The following SGPL1 variants were observed in gnomAD, a reference collection of about 807,000 sequenced individuals.
SGPL1 encodes the protein SP-lyase 1.
A neutral mutation model predicts 68.9 loss-of-function variants in SGPL1; 37 were observed. That is an observed-to-expected ratio of 0.54 (90% CI 0.41 to 0.71). SGPL1 has a LOEUF of 0.71. Among genes scored for constraint, SGPL1 ranks in the 30% least tolerant of loss-of-function variants. The probability of loss-of-function intolerance (pLI) is 0.00; values close to 1 mark genes in which losing one functional copy is unlikely to be tolerated. For synonymous variants in SGPL1, 236 were observed against 248.5 expected (o/e 0.95, Z 0.47); for missense variants, 551 against 704.6 (o/e 0.78, Z 2.47).
At chr10:70,819,950 T>G (rs1845311143) in intron 2 of SGPL1, among the ~76,000 whole-genome samples, 1 of 152,176 alleles carries the variant, frequency 6.6e-6, no homozygotes, top group African/African-American at 2.4e-5. Flanking sequence ...TGATGCAGCT[T>G]ATATTATACA....
intron 2 of SGPL1, among the ~76,000 whole-genome samples, chr10:70,832,044 GA>G (rs762410072): frequency 2.6e-5 from 4 of 152,176 alleles, no homozygotes; most frequent in African/African-American, 7.2e-5. Flanking sequence ...TGGGGGTTAT[GA>G]ACCAGGAACC....
At chr10:70,864,609 A>G (rs1404154033) in intron 7 of SGPL1, among the ~76,000 whole-genome samples, 2 of 152,258 alleles carry the variant, frequency 1.3e-5, no homozygotes, top group South Asian at 2.1e-4. Context: ...ATATTTTCCT[A>G]TAGTGAGAAA....
chr10:70,836,510 C>G (rs771378104), intron 2 of SGPL1, among the ~76,000 whole-genome samples: 2 of 151,660 alleles, frequency 1.3e-5, no homozygotes, highest in Non-Finnish European at 2.9e-5. Context: ...TTCTTTTTCC[C>G]CTTCCTTTCC....
At chr10:70,859,902 C>T (rs1301264632) in intron 7 of SGPL1, among the ~76,000 whole-genome samples, 1 of 152,190 alleles carries the variant, frequency 6.6e-6, no homozygotes, top group African/African-American at 2.4e-5. Flanking sequence ...TCCCTCCCTA[C>T]CCGCTTCTTC....
At chr10:70,874,399 T>C (rs1846349760) in intron 12 of SGPL1, among the ~76,000 whole-genome samples, 1 of 151,974 alleles carries the variant, frequency 6.6e-6, no homozygotes, top group African/African-American at 2.4e-5. Context: ...CGGAGCAACA[T>C]AGTGAGACAT....
chr10:70,862,652 C>T (rs541604006), intron 7 of SGPL1, among the ~76,000 whole-genome samples: 42 of 152,176 alleles, frequency 2.8e-4, no homozygotes, highest in Middle Eastern at 3.4e-3. Context: ...AGTGAGACCA[C>T]GAGCCCACCG....
At chr10:70,860,288 C>A in intron 7 of SGPL1, 1 of 436,992 alleles carries the variant, frequency 2.3e-6, no homozygotes, top group Non-Finnish European at 4.6e-6. Flanking sequence ...GGTGCTAATC[C>A]TATCAGATAC....
intron 14 of SGPL1, 143 bp from the exon 15 acceptor site, chr10:70,877,052 A>AT (rs1183204953): frequency 9.6e-6 from 7 of 731,788 alleles, no homozygotes; most frequent in Non-Finnish European, 1.6e-5. Context: ...TTCTGATAGA[A>AT]TGATGGGATG....
chr10:70,830,297 C>T (rs116917977), intron 2 of SGPL1, among the ~76,000 whole-genome samples: 1 of 152,148 alleles, frequency 6.6e-6, no homozygotes, highest in African/African-American at 2.4e-5. Context: ...CCAAAGAAAC[C>T]CAGTACTCAG....
At chr10:70,862,681 G>A (rs1047527183) in intron 7 of SGPL1, among the ~76,000 whole-genome samples, 1 of 151,910 alleles carries the variant, frequency 6.6e-6, no homozygotes, top group Admixed American at 6.5e-5. Context: ...GAACAACTCC[G>A]GACGCGCTGC....
At chr10:70,842,835 T>A (rs532224910) in intron 2 of SGPL1, among the ~76,000 whole-genome samples, 11 of 152,194 alleles carry the variant, frequency 7.2e-5, no homozygotes, top group Admixed American at 1.3e-4. Flanking sequence ...ATTTAAGTGT[T>A]CACTCATTTA....
At position 70,880,089 on chromosome 10, in the gene SGPL1, A is replaced by C. The variant is rs1316679652; in HGVS notation, c.*2754A>C. 6.6e-6 allele frequency: 1 copy of C among 152,668 alleles called. No homozygotes were observed. Among genetic ancestry groups the C allele is most frequent in the Non-Finnish European group, 1.5e-5 (1 of 68,050 alleles). The allele number at this position is 152,668 out of a possible 1,614,324, so 9.5% of individuals were successfully genotyped here. On this transcript the variant is annotated 3_prime_UTR_variant, in exon 15 of 15. Transcript: ENST00000373202. ...CAATAATCTCAAAAAGCAATTAAATAGTTAAATGACCCTAATTGTAATTAC... is the reference window on the plus strand; with the variant it reads ...CAATAATCTCAAAAAGCAATTAAATCGTTAAATGACCCTAATTGTAATTAC...
At position 70,854,805 on chromosome 10, in the gene SGPL1, G is replaced by A. The variant is rs1845939002; in HGVS notation, c.359G>A (p.Gly120Asp). ...KEYVKALPSQ[G>D]LSSSAVLEKL... The stretch of plus-strand genomic sequence containing the variant: ...TATGTGAAAGCTTTACCCTCCCAGG[G>A]TCTGAGCTCATCTGCTGTTTTGGAG... Residue 120 changes from glycine to aspartate, a missense_variant, in exon 5 of 15, where the codon GGT becomes GAT. Gly to Asp is a moderately conservative substitution (Grantham distance 94). Transcript: ENST00000373202. 3 of 1,613,784 alleles carry A rather than the reference G, an allele frequency of 1.9e-6. No individual in the cohort carries two copies. The highest frequency in any genetic ancestry group is 2.2e-5 in the East Asian group (1 of 44,882).
chr10:70,875,515 G>C lies in SGPL1; in HGVS notation c.1412G>C (p.Gly471Ala). 1 of 1,611,746 alleles carries C rather than the reference G, an allele frequency of 6.2e-7. No homozygotes were observed. Among genetic ancestry groups the C allele is most frequent in the Non-Finnish European group, 8.5e-7 (1 of 1,178,468 alleles). The change falls in exon 13 of 15, where the codon GGG (glycine) becomes GCG (alanine). Residue 471 changes from glycine (G) to alanine (A), a missense_variant. Gly to Ala is a moderately conservative substitution (Grantham distance 60). Coordinates refer to ENST00000373202, the MANE Select transcript of SGPL1 (RefSeq NM_003901.4). The part of the protein sequence containing the change: ...YRLSNLMTAK[G>A]WNLNQLQFPP... The stretch of plus-strand genomic sequence containing the variant: ...CTATCAAACCTGATGACTGCTAAGG[G>C]GTGGAACTTGAACCAGTTGCAGTTC...
At chr10:70,826,884 T>C (rs995960278) in intron 2 of SGPL1, among the ~76,000 whole-genome samples, 3 of 151,774 alleles carry the variant, frequency 2.0e-5, no homozygotes, top group Admixed American at 2.0e-4. Context: ...TTGCTGTATA[T>C]ATAGTATTTT....
At chr10:70,875,634 T>C (rs2131950943) in intron 13 of SGPL1, 86 bp downstream of exon 13, 1 of 1,076,490 alleles carries the variant, frequency 9.3e-7, no homozygotes, top group South Asian at 1.5e-5. Context: ...GTATAGAGTT[T>C]GACTGCTAGA....
chr10:70,871,938 T>C lies in SGPL1; in HGVS notation c.1011T>C (p.Phe337=). ...EKAGYPLEHP[F]DFRVKGVTSI... ...CAGGATACCCACTGGAGCACCCATT[T>C]GATTTCCGGGTGAAAGGTGTAACCA... Residue 337 remains phenylalanine, a synonymous_variant, in exon 11 of 15, where the codon TTT becomes TTC. Coordinates refer to ENST00000373202, the MANE Select transcript of SGPL1 (RefSeq NM_003901.4). 6.2e-7 allele frequency: 1 copy of C among 1,614,198 alleles called. No individual in the cohort carries two copies. Among genetic ancestry groups the C allele is most frequent in the Middle Eastern group, 1.7e-4 (1 of 6,054 alleles).
chr10:70,845,100 G>A (rs750748209), intron 3 of SGPL1, among the ~76,000 whole-genome samples: 2 of 151,924 alleles, frequency 1.3e-5, no homozygotes, highest in Non-Finnish European at 2.9e-5. Flanking sequence ...CTTCTGATTG[G>A]TCAAGTTATA....
chr10:70,860,538 T>A, intron 7 of SGPL1: 1 of 435,514 alleles, frequency 2.3e-6, no homozygotes, highest in Admixed American at 3.0e-5. Flanking sequence ...CCACCCATAA[T>A]ACAGCAGCAG....
Sources: allele counts gnomAD v4.1 joint callset (sites outside exome capture counted in the v4.1 genomes callset), GRCh38; gene constraint gnomAD v4.1.1; transcripts MANE v1.5; gene names NCBI Gene and HGNC (gene_info 2026-07-23, HGNC 2026-07-21).